VPS29: variants seen among roughly 807,000 people sequenced by gnomAD.
VPS29 encodes vacuolar protein sorting-associated protein 29.
A neutral mutation model predicts 20.0 loss-of-function variants in VPS29; 2 were observed. The ratio of observed to expected loss-of-function variants is 0.10; its 90% CI spans 0.04 to 0.31. The LOEUF (loss-of-function observed/expected upper bound fraction) is 0.31. VPS29 is among the 10% of genes least tolerant of loss of function. VPS29 has a pLI of 1.00. For synonymous variants in VPS29, 81 were observed against 79.3 expected, an observed-to-expected ratio of 1.02 and a Z score of -0.12; for missense variants, 120 against 215.3, an observed-to-expected ratio of 0.56 and a Z score of 2.77.
Position 110,496,305 on chromosome 12 carries a change from G to A in VPS29, c.4-102C>T, listed in dbSNP as rs542962230. 2.0e-5 allele frequency: 20 copies of A among 996,050 alleles called. No individual in the cohort carries two copies. The East Asian group carries it at 2.1e-4, about 10-fold the overall frequency. The allele number at this position is 996,050 out of a possible 1,614,324, so 61.7% of individuals were successfully genotyped here. A position where few individuals can be genotyped will look rare whatever the true frequency, so the allele number is the denominator to read the frequency against. ...CCTTTTAAGTCTCATAAGAGATCCC[G>A]AATCCCAGAAATTATTCATAGGGTT... On this transcript the variant is annotated intron_variant, in intron 1 of 3. Coordinates refer to ENST00000549578, the MANE Select transcript of VPS29 (RefSeq NM_016226.5).
rs2063062566 is a variant in VPS29, at chr12:110,501,840, G to A, written c.3+209C>T. On this transcript the variant is annotated intron_variant, in intron 1 of 3. Coordinates refer to ENST00000549578, the MANE Select transcript of VPS29 (RefSeq NM_016226.5). ...ATGGCCTCTGGCCCCTTGGGGCCGG[G>A]ATACGAGACCTAGGCCAGCCGCACC... 12 of 1,294,744 alleles carry A rather than the reference G, an allele frequency of 9.3e-6. 1 individual carries two copies. In the South Asian group the frequency reaches 1.4e-4, roughly 15 times the overall value. The allele number at this position is 1,294,744 out of a possible 1,614,324, so 80.2% of individuals were successfully genotyped here.
rs1465687208 is a variant in VPS29, at chr12:110,493,200, G to C, written c.227C>G (p.Thr76Ser). The change falls in exon 3 of 4, where the codon ACT becomes AGT. Residue 76 changes from threonine (T) to serine (S), a missense_variant. By Grantham distance (58) the Thr-to-Ser change is moderately conservative. Transcript: ENST00000549578. ...CAGACCAATTTTGAACTGTCCAACA[G>C]TCACAACTTTCTGTTCTGGATAATT... is the stretch of plus-strand genomic sequence containing the variant. ...NLNYPEQKVV[T>S]VGQFKIGLIH... 3.8e-6 allele frequency: 6 copies of C among 1,561,984 alleles called. No homozygotes were observed. The highest frequency in any genetic ancestry group is 2.6e-6 in the Non-Finnish European group (3 of 1,154,316).
At chr12:110,501,658 G>A (rs1305871198) in intron 1 of VPS29, 24 of 1,526,070 alleles carry the variant, frequency 1.6e-5, no homozygotes, top group African/African-American at 2.7e-5. Context: ...CCAGCGGGAG[G>A]TGCTTTTTGC....
intron 1 of VPS29, 57 bp from the exon 2 acceptor site, chr12:110,496,260 T>C (rs1412453170): frequency 6.9e-7 from 1 of 1,448,706 alleles, no homozygotes; most frequent in African/African-American, 1.4e-5. Flanking sequence ...CAAAACAAAA[T>C]AGTCTCCTCT....
intron 2 of VPS29, among the ~76,000 whole-genome samples, chr12:110,494,123 A>G (rs769435922): frequency 6.6e-6 from 1 of 152,090 alleles, no homozygotes; most frequent in Non-Finnish European, 1.5e-5. Context: ...AAATTTATCC[A>G]AACTCTTTTT....
intron 1 of VPS29, among the ~76,000 whole-genome samples, chr12:110,498,097 G>C (rs1014632243): frequency 6.7e-6 from 1 of 149,648 alleles, no homozygotes; most frequent in Admixed American, 6.7e-5. Flanking sequence ...TCAGCCTCCC[G>C]AGTAGCTGGG....
At chr12:110,495,731 A>G (rs1229443591) in intron 2 of VPS29, among the ~76,000 whole-genome samples, 1 of 152,052 alleles carries the variant, frequency 6.6e-6, no homozygotes, top group Non-Finnish European at 1.5e-5. Context: ...CAAACAAAAA[A>G]AACTTTATAA....
At chr12:110,501,958 C>T (rs775807036) in intron 1 of VPS29, 91 bp downstream of exon 1, 2 of 1,610,646 alleles carry the variant, frequency 1.2e-6, no homozygotes, top group Non-Finnish European at 1.7e-6. Context: ...CGGGATTTCC[C>T]AATTCCTCGC....
chr12:110,501,516 T>C (rs2063043045), intron 1 of VPS29: 1 of 1,535,438 alleles, frequency 6.5e-7, no homozygotes, highest in Non-Finnish European at 8.7e-7. Flanking sequence ...CAATGGCAGC[T>C]AGATGTTATT....
At chr12:110,492,554 A>G (rs912457615) in intron 3 of VPS29, among the ~76,000 whole-genome samples, 30 of 151,364 alleles carry the variant, frequency 2.0e-4, no homozygotes, top group Non-Finnish European at 3.7e-4. Context: ...TAGGTGACAG[A>G]GCAAGACTCT....
chr12:110,497,263 C>CTGGAG (rs1274692403), intron 1 of VPS29, among the ~76,000 whole-genome samples: 2 of 115,132 alleles, frequency 1.7e-5, no homozygotes, highest in Non-Finnish European at 3.2e-5. Flanking sequence ...GTCGCCCAGG[C>CTGGAG]TGGAGTGCAG....
chr12:110,499,658 C>G (rs1343087048), intron 1 of VPS29: 1 of 734,340 alleles, frequency 1.4e-6, no homozygotes, highest in African/African-American at 1.9e-5. Context: ...AAAAAGAGAA[C>G]AAAAAACCCA....
At chr12:110,500,864 A>G (rs2063011484) in intron 1 of VPS29, among the ~76,000 whole-genome samples, 1 of 151,878 alleles carries the variant, frequency 6.6e-6, no homozygotes, top group Non-Finnish European at 1.5e-5. Flanking sequence ...TTGACTTTTT[A>G]AGAGTCAAAG....
chr12:110,499,383 G>T, intron 1 of VPS29: 2 of 1,047,640 alleles, frequency 1.9e-6, no homozygotes, highest in Non-Finnish European at 1.3e-6. Flanking sequence ...CCTGGAAATG[G>T]CAGTCTTATT....
intron 1 of VPS29, chr12:110,496,964 G>A (rs1168772685): frequency 6.6e-6 from 1 of 151,648 alleles, no homozygotes; most frequent in African/African-American, 2.4e-5. Context: ...TTTATGGTCT[G>A]GATTAAATTG....
At chr12:110,501,938 C>T (rs769810163) in intron 1 of VPS29, 111 bp downstream of exon 1, 3 of 1,605,216 alleles carry the variant, frequency 1.9e-6, no homozygotes, top group Non-Finnish European at 2.5e-6. Flanking sequence ...GGCCCTGACG[C>T]CGAGGCCTCC....
At chr12:110,497,976 T>C (rs1159412847) in intron 1 of VPS29, among the ~76,000 whole-genome samples, 1 of 151,526 alleles carries the variant, frequency 6.6e-6, no homozygotes, top group Non-Finnish European at 1.5e-5. Flanking sequence ...ATCGATTTTT[T>C]TTTTTTTTTT....
rs1432714382 is a variant in VPS29 at position 110,502,085 on chromosome 12, G to T, written c.-34C>A. 5 of 1,604,170 alleles carry T rather than the reference G, an allele frequency of 3.1e-6. No homozygotes were observed. The highest frequency in any genetic ancestry group is 4.3e-6 in the Non-Finnish European group (5 of 1,174,516). ...CGGGCTCCGCTCAGTCACCACCACC[G>T]TCGCCGCCCTCTTCCTCAGGCTCCT... On this transcript the variant is annotated 5_prime_UTR_variant, in exon 1 of 4. Transcript: ENST00000549578.
At chr12:110,495,764 TAACAAAGC>T (rs2062896716) in intron 2 of VPS29, among the ~76,000 whole-genome samples, 1 of 152,038 alleles carries the variant, frequency 6.6e-6, no homozygotes, top group Non-Finnish European at 1.5e-5. Flanking sequence ...CATAAAACAG[TAACAAAGC>T]CACTTTTATT....
Sources: allele counts gnomAD v4.1 joint callset (sites outside exome capture counted in the v4.1 genomes callset), GRCh38; gene constraint gnomAD v4.1.1; transcripts MANE v1.5; gene names NCBI Gene and HGNC (gene_info 2026-07-23, HGNC 2026-07-21).